GPC6: variants seen among roughly 807,000 people sequenced by gnomAD.
GPC6 encodes the protein glypican-6.
A neutral mutation model predicts 55.2 loss-of-function variants in GPC6; 14 were observed. That is an observed-to-expected ratio of 0.25 (90% confidence interval 0.17 to 0.40). GPC6 has a LOEUF of 0.40. GPC6 is among the 10% of genes least tolerant of loss of function. The pLI, the probability that GPC6 is intolerant of heterozygous loss-of-function variation, is 1.00. For synonymous variants in GPC6, 278 were observed against 259.6 expected (o/e 1.07, Z -0.68); for missense variants, 641 against 708.5 (o/e 0.90, Z 1.08).
chr13:93,981,886 T>G (rs938509939), intron 3 of GPC6, among the ~76,000 whole-genome samples: 10 of 152,188 alleles, frequency 6.6e-5, no homozygotes, highest in African/African-American at 2.4e-4. Flanking sequence ...TTCAACAATG[T>G]TTTATTTCTC....
At chr13:93,742,667 T>C (rs777222641) in intron 2 of GPC6, among the ~76,000 whole-genome samples, 1 of 152,182 alleles carries the variant, frequency 6.6e-6, no homozygotes, top group Non-Finnish European at 1.5e-5. Flanking sequence ...TTCTTGGCCG[T>C]GTCTATATAG....
intron 1 of GPC6, among the ~76,000 whole-genome samples, chr13:93,320,500 C>G (rs9584106): frequency 0.013 from 1,901 of 151,916 alleles, 43 homozygotes; most frequent in African/African-American, 0.043. Context: ...TATCTTGTTG[C>G]TGATAGATAT....
chr13:93,575,540 G>A (rs1426229350), intron 2 of GPC6, among the ~76,000 whole-genome samples: 3 of 152,106 alleles, frequency 2.0e-5, no homozygotes, highest in Non-Finnish European at 4.4e-5. Flanking sequence ...TTATGCTGCT[G>A]GTCCATGGAG....
chr13:94,145,794 A>C (rs1887543369), intron 4 of GPC6, among the ~76,000 whole-genome samples: 1 of 152,164 alleles, frequency 6.6e-6, no homozygotes, highest in Non-Finnish European at 1.5e-5. Context: ...AATTTAACAG[A>C]AGGGAACATG....
intron 1 of GPC6, among the ~76,000 whole-genome samples, chr13:93,449,091 T>C (rs1284277794): frequency 6.6e-6 from 1 of 152,174 alleles, no homozygotes. Flanking sequence ...AGAGCAGGGA[T>C]AGATATAGTA....
intron 2 of GPC6, among the ~76,000 whole-genome samples, chr13:93,755,169 A>C (rs1482716909): frequency 1.3e-5 from 2 of 152,122 alleles, no homozygotes; most frequent in African/African-American, 4.8e-5. Context: ...ATTTGAAGAG[A>C]TCCTCATATT....
intron 3 of GPC6, among the ~76,000 whole-genome samples, chr13:93,841,325 G>T (rs1330303017): frequency 6.6e-6 from 1 of 152,066 alleles, no homozygotes; most frequent in Non-Finnish European, 1.5e-5. Flanking sequence ...TGAGATATTA[G>T]GTCACACAGA....
chr13:94,207,277 C>A (rs1266000816), intron 4 of GPC6, among the ~76,000 whole-genome samples: 3 of 152,184 alleles, frequency 2.0e-5, no homozygotes, highest in Non-Finnish European at 4.4e-5. Context: ...TACTATACCG[C>A]ACTAAGACAA....
intron 1 of GPC6, among the ~76,000 whole-genome samples, chr13:93,362,973 G>GA (rs1226711388): frequency 3.3e-5 from 5 of 152,158 alleles, no homozygotes; most frequent in Non-Finnish European, 5.9e-5. Context: ...AGACAGGTCA[G>GA]AACAGTCTGA....
At chr13:93,646,086 G>A (rs1488588427) in intron 2 of GPC6, among the ~76,000 whole-genome samples, 1 of 151,854 alleles carries the variant, frequency 6.6e-6, no homozygotes, top group East Asian at 1.9e-4. Flanking sequence ...ATTTTGAGAG[G>A]CACCCTCCTC....
At position 93,751,169 on chromosome 13, in the gene GPC6, A is replaced by G. The variant is rs537131944; in HGVS notation, c.320-78985A>G. Among the ~76,000 whole-genome samples the G allele has an allele frequency of 6.3e-3, 927 of 146,550 alleles. 6 individuals carry two copies. Among genetic ancestry groups the G allele is most frequent in the Middle Eastern group, 0.014 (4 of 292 alleles). ...GTCCCAAAAAAAGAAAAACAAACAA[A>G]CAAACAAACAAACAAACAAAAAATG... On this transcript the variant is annotated intron_variant, in intron 2 of 8. Coordinates refer to ENST00000377047, the MANE Select transcript of GPC6 (RefSeq NM_005708.5).
intron 4 of GPC6, among the ~76,000 whole-genome samples, chr13:94,063,285 G>A (rs1884397462): frequency 6.6e-6 from 1 of 152,156 alleles, no homozygotes; most frequent in South Asian, 2.1e-4. Flanking sequence ...AGATTTTGCA[G>A]TGCCAGACTT....
chr13:94,342,013 A>G (rs1313326564), intron 6 of GPC6, among the ~76,000 whole-genome samples: 8 of 152,268 alleles, frequency 5.3e-5, no homozygotes, highest in African/African-American at 1.9e-4. Flanking sequence ...GGGTTCCCAT[A>G]TCACTGCATT....
chr13:94,402,863 GA>G lies in GPC6; in HGVS notation c.1466-149del, dbSNP rs1430869370. ...TCACTATCACGAGAACAGGATGGGG[GA>G]AACCACCACCATGATTGAATTACCT... On this transcript the variant is annotated intron_variant, in intron 8 of 8. Coordinates refer to ENST00000377047, the MANE Select transcript of GPC6 (RefSeq NM_005708.5). The G allele has an allele frequency of 2.1e-5, 16 of 751,844 alleles. No individual in the cohort carries two copies. The South Asian group carries it at 2.3e-4, about 11-fold the overall frequency. 46.6% of individuals were successfully genotyped at this position (751,844 alleles called of 1,614,324 possible). A position where few individuals can be genotyped will look rare whatever the true frequency, so the allele number is the denominator to read the frequency against.
intron 1 of GPC6, among the ~76,000 whole-genome samples, chr13:93,540,214 C>A (rs575311653): frequency 2.0e-5 from 3 of 152,204 alleles, no homozygotes; most frequent in Admixed American, 6.5e-5. Context: ...CTCTGACCTC[C>A]TCTCTAGCAA....
intron 4 of GPC6, among the ~76,000 whole-genome samples, chr13:94,061,068 C>T (rs1245363945): frequency 6.6e-6 from 1 of 152,124 alleles, no homozygotes; most frequent in Non-Finnish European, 1.5e-5. Flanking sequence ...ACTCTGCCTG[C>T]AGGTACAATA....
intron 1 of GPC6, among the ~76,000 whole-genome samples, chr13:93,399,907 A>G (rs1393562262): frequency 1.3e-5 from 2 of 152,222 alleles, no homozygotes; most frequent in Non-Finnish European, 2.9e-5. Flanking sequence ...AGGAATAAAT[A>G]TGTTGCTAGA....
At chr13:93,570,620 G>A (rs1876356936) in intron 2 of GPC6, among the ~76,000 whole-genome samples, 1 of 152,094 alleles carries the variant, frequency 6.6e-6, no homozygotes, top group Non-Finnish European at 1.5e-5. Context: ...CTGTGGAGTA[G>A]GTAAAGCAGA....
At chr13:93,369,309 A>G (rs1164018461) in intron 1 of GPC6, among the ~76,000 whole-genome samples, 1 of 152,160 alleles carries the variant, frequency 6.6e-6, no homozygotes, top group Non-Finnish European at 1.5e-5. Context: ...TGCAATTACA[A>G]TAAATAAACT....
Sources: allele counts gnomAD v4.1 joint callset (sites outside exome capture counted in the v4.1 genomes callset), GRCh38; gene constraint gnomAD v4.1.1; transcripts MANE v1.5; gene names NCBI Gene and HGNC (gene_info 2026-07-23, HGNC 2026-07-21).